F5: variants seen among roughly 807,000 people sequenced by gnomAD.
F5 encodes activated protein c cofactor.
In F5, 138 loss-of-function variants were observed where a neutral mutation model predicts 216.4. That is an observed-to-expected ratio of 0.64 (90% CI 0.56 to 0.73). F5 has a LOEUF of 0.73. F5 is among the 30% of genes least tolerant of loss of function. F5 has a pLI of 0.00. For synonymous variants in F5, 916 were observed against 930.7 expected, an observed-to-expected ratio of 0.98 and a Z score of 0.29; for missense variants, 2,403 against 2,674.0, an observed-to-expected ratio of 0.90 and a Z score of 2.24.
intron 3 of F5, among the ~76,000 whole-genome samples, chr1:169,565,346 A>G (rs77450480): frequency 0.057 from 8,708 of 152,154 alleles, 344 homozygotes; most frequent in Middle Eastern, 0.12. Context: ...CCCAAGTGTG[A>G]GTTCCTCAAG....
At chr1:169,536,724 T>C (rs1431400476) in intron 13 of F5, 44 bp from the exon 14 acceptor site, 1 of 1,515,120 alleles carries the variant, frequency 6.6e-7, no homozygotes, top group Non-Finnish European at 9.1e-7. Flanking sequence ...AATTAAAGAC[T>C]GTTCCCAGAA....
At chr1:169,574,705 C>A (rs1289680269) in intron 2 of F5, among the ~76,000 whole-genome samples, 1 of 152,206 alleles carries the variant, frequency 6.6e-6, no homozygotes, top group Non-Finnish European at 1.5e-5. Context: ...GGTGAGGACA[C>A]TGAGCCTCAG....
chr1:169,537,768 A>T (rs1659739903), intron 13 of F5, among the ~76,000 whole-genome samples: 1 of 152,144 alleles, frequency 6.6e-6, no homozygotes, highest in African/African-American at 2.4e-5. Flanking sequence ...GCAATTTAAA[A>T]TCACAATGAG....
chr1:169,582,437 T>G lies in F5; in HGVS notation c.244A>C (p.Ile82Leu), dbSNP rs377674263. 6.6e-7 allele frequency: 1 copy of G among 1,511,514 alleles called. No homozygotes were observed. Among genetic ancestry groups the G allele is most frequent in the Non-Finnish European group, 9.1e-7 (1 of 1,093,096 alleles). The allele number at this position is 1,511,514 out of a possible 1,614,324, so 93.6% of individuals were successfully genotyped here. The change falls in exon 2 of 25, where the codon ATT becomes CTT. Residue 82 changes from isoleucine (I) to leucine (L), a missense_variant. Ile to Leu is a conservative substitution (Grantham distance 5). Coordinates refer to ENST00000367797, the MANE Select transcript of F5 (RefSeq NM_000130.5). ...AAGTATATTTCAGGCTTACCTGAAA[T>G]GGTAGATTGTGGTTTTTCTTTCTTA... ...YFKKEKPQST[I>L]SGLLGPTLYA...
chr1:169,514,176 A>C lies in F5; in HGVS notation c.*137T>G. ...TTACATTATAAAAGCTTCTTGTATA[A>C]AATTTTATTCACTAATAGAAAAGAA... On this transcript the variant is annotated 3_prime_UTR_variant, in exon 25 of 25. Coordinates refer to ENST00000367797, the MANE Select transcript of F5 (RefSeq NM_000130.5). 1.1e-6 allele frequency: 1 copy of C among 882,762 alleles called. No individual in the cohort carries two copies. The highest frequency in any genetic ancestry group is 1.8e-6 in the Non-Finnish European group (1 of 560,242). 54.7% of individuals were successfully genotyped at this position (882,762 alleles called of 1,614,324 possible).
Position 169,523,214 on chromosome 1 carries a change from T to A in F5, c.6031A>T (p.Ser2011Cys). 1 of 1,614,132 alleles carries A rather than the reference T, an allele frequency of 6.2e-7. No homozygotes were observed. Among genetic ancestry groups the A allele is most frequent in the Non-Finnish European group, 8.5e-7 (1 of 1,179,968 alleles). The change falls in exon 21 of 25, where the codon AGC becomes TGC. Residue 2011 changes from serine (S) to cysteine (C), a missense_variant. Around this residue, in one of 4 missense-constraint regions of F5, gnomAD observed 659 missense variants for 787.9 expected, o/e 0.84. Transcript: ENST00000367797. ...ACACAAACCATCACATTCCTTGTGC[T>A]GTTCCCTTTGAAGATCTGCCAGTTG... is the stretch of plus-strand genomic sequence containing the variant. ...QINWQIFKGN[S>C]TRNVMYFNGN...
At chr1:169,529,337 G>A (rs1659535333) in intron 16 of F5, among the ~76,000 whole-genome samples, 1 of 152,192 alleles carries the variant, frequency 6.6e-6, no homozygotes, top group South Asian at 2.1e-4. Context: ...ACCAGCTGAA[G>A]CACACTGGCT....
intron 18 of F5, among the ~76,000 whole-genome samples, chr1:169,525,232 C>G (rs1659415792): frequency 6.6e-6 from 1 of 152,102 alleles, no homozygotes; most frequent in Non-Finnish European, 1.5e-5. Flanking sequence ...TGCAGTGGCT[C>G]ATGCCTGTAA....
At chr1:169,536,825 G>A in intron 13 of F5, 145 bp from the exon 14 acceptor site, 1 of 631,126 alleles carries the variant, frequency 1.6e-6, no homozygotes, top group South Asian at 2.0e-5. Context: ...ATATATAAGT[G>A]GATAAAAACA....
At chr1:169,561,376 T>TTTG (rs1660482920) in intron 3 of F5, among the ~76,000 whole-genome samples, 1 of 152,150 alleles carries the variant, frequency 6.6e-6, no homozygotes, top group Admixed American at 6.6e-5. Context: ...CTTAGATGTC[T>TTTG]TACTTTGTAC....
At chr1:169,573,305 T>C (rs1316332564) in intron 2 of F5, among the ~76,000 whole-genome samples, 2 of 152,136 alleles carry the variant, frequency 1.3e-5, no homozygotes, top group African/African-American at 2.4e-5. Context: ...AGCAGAGACA[T>C]AGTATAACGT....
intron 17 of F5, among the ~76,000 whole-genome samples, chr1:169,527,511 A>T (rs1370521507): frequency 1.3e-5 from 2 of 152,166 alleles, no homozygotes; most frequent in African/African-American, 2.4e-5. Flanking sequence ...TTGCCCAAAG[A>T]TATTAGGGTG....
intron 10 of F5, 106 bp downstream of exon 10, chr1:169,549,692 TTAC>T: frequency 2.6e-6 from 2 of 775,460 alleles, no homozygotes; most frequent in Non-Finnish European, 4.4e-6. Flanking sequence ...TACTTGACAA[TTAC>T]TGTTCTCTTG....
chr1:169,527,896 C>G lies in F5; in HGVS notation c.5599+19G>C. 6.2e-7 allele frequency: 1 copy of G among 1,612,610 alleles called. No individual in the cohort carries two copies. The highest frequency in any genetic ancestry group is 1.1e-5 in the South Asian group (1 of 91,016). On this transcript the variant is annotated intron_variant, in intron 17 of 24. Coordinates refer to ENST00000367797, the MANE Select transcript of F5 (RefSeq NM_000130.5). ...CTGTATTTCTTAGCAGGGACCTCTT[C>G]CCATTACCCAATCTTTACCAGGCAG...
At chr1:169,525,456 C>T (rs1469970149) in intron 18 of F5, among the ~76,000 whole-genome samples, 4 of 152,202 alleles carry the variant, frequency 2.6e-5, no homozygotes, top group African/African-American at 9.7e-5. Context: ...CACTGTGCTA[C>T]CTGGATGTTG....
intron 14 of F5, among the ~76,000 whole-genome samples, chr1:169,533,701 T>C (rs1659640126): frequency 6.6e-6 from 1 of 152,038 alleles, no homozygotes; most frequent in African/African-American, 2.4e-5. Flanking sequence ...TGAAATACCA[T>C]CTCACACCAG....
rs1660282395 is a variant in F5, at chr1:169,555,120, T to C, written c.1118+62A>G. 6 of 1,589,176 alleles carry C rather than the reference T, an allele frequency of 3.8e-6. No homozygotes were observed. The East Asian group carries it at 1.1e-4, about 30-fold the overall frequency. On this transcript the variant is annotated intron_variant, in intron 7 of 24. Transcript: ENST00000367797. Reference sequence around the variant, plus strand: ...GTGAACTTACATTTCACCCCAAACATCTAGGACCCTATGGAATGTGTCTTG... The same window carrying C: ...GTGAACTTACATTTCACCCCAAACACCTAGGACCCTATGGAATGTGTCTTG...
chr1:169,513,030 G>A lies in F5; in HGVS notation c.*1283C>T, dbSNP rs1254708232. ...CCTTAATTTCATTATTTACCCAGTA[G>A]TCATTCAGGAGCAGGTTGTTCAGTT... On this transcript the variant is annotated 3_prime_UTR_variant, in exon 25 of 25. Transcript: ENST00000367797. Among the ~76,000 whole-genome samples the A allele has an allele frequency of 6.6e-6, 1 of 151,974 alleles. No individual in the cohort carries two copies. Among genetic ancestry groups the A allele is most frequent in the Non-Finnish European group, 1.5e-5 (1 of 67,972 alleles).
Position 169,540,450 on chromosome 1 carries a change from T to G in F5, c.4640A>C (p.Asp1547Ala), listed in dbSNP as rs780230215. The change falls in exon 13 of 25, where the codon GAT (aspartate) becomes GCT (alanine). Residue 1547 changes from aspartate (D) to alanine (A), a missense_variant. Asp to Ala is a moderately radical substitution (Grantham distance 126). Around this residue, in one of 4 missense-constraint regions of F5, gnomAD observed 293 missense variants for 270.8 expected, o/e 1.08. Transcript: ENST00000367797. ...CCTAACATCAGTTTTGTAGGGGTCATCATAGGGCACATAATCAATTTCAGC... is the reference window on the plus strand; with the variant it reads ...CCTAACATCAGTTTTGTAGGGGTCAGCATAGGGCACATAATCAATTTCAGC... ...DYAEIDYVPY[D>A]DPYKTDVRTN... 1 of 1,614,030 alleles carries G rather than the reference T, an allele frequency of 6.2e-7. No individual in the cohort carries two copies. Among genetic ancestry groups the G allele is most frequent in the Admixed American group, 1.7e-5 (1 of 59,990 alleles).
Sources: gnomAD v4.1 joint callset for allele counts (sites outside exome capture counted in the v4.1 genomes callset) on GRCh38, gnomAD v4.1.1 for gene constraint, gnomAD v4.1.1 regional missense constraint, MANE v1.5 for transcripts, NCBI Gene and HGNC (gene_info 2026-07-23, HGNC 2026-07-21) for gene names.